The following ACTR3C variants were observed in gnomAD, a reference collection of about 807,000 sequenced individuals.
ACTR3C encodes actin related protein 3C.
In ACTR3C, 18 loss-of-function variants were observed where a neutral mutation model predicts 26.3. The ratio of observed to expected loss-of-function variants is 0.68; its 90% CI spans 0.47 to 1.01. The LOEUF (loss-of-function observed/expected upper bound fraction) is 1.01. ACTR3C is among the 50% of genes least tolerant of loss of function. ACTR3C has a pLI of 0.00. For missense variants in ACTR3C, 184 were observed against 250.7 expected (o/e 0.73, Z 1.80); for synonymous variants, 55 against 94.5 (o/e 0.58, Z 2.42).
At chr7:150,023,147 A>ATCTC in the ACTR3C span, among the ~76,000 whole-genome samples, 2 of 71,458 alleles carry the variant, frequency 2.8e-5, no homozygotes, top group Middle Eastern at 0.01. Flanking sequence ...ATATATAGAT[A>ATCTC]TCTATATAGA....
At chr7:149,988,657 C>G in the ACTR3C span, among the ~76,000 whole-genome samples, 86,485 of 151,978 alleles carry the variant, frequency 0.57, 25,419 homozygotes, top group East Asian at 0.8. Flanking sequence ...TCACCTCTTG[C>G]CCAGTCCCTA....
At chr7:150,132,549 A>G in the ACTR3C span, among the ~76,000 whole-genome samples, 2 of 152,202 alleles carry the variant, frequency 1.3e-5, no homozygotes, top group Admixed American at 6.5e-5. Context: ...CAAAACCACA[A>G]TGACATACCG....
At chr7:150,306,700 C>G (rs1363464737) in intron 1 of ACTR3C, among the ~76,000 whole-genome samples, 1 of 152,316 alleles carries the variant, frequency 6.6e-6, no homozygotes, top group South Asian at 2.1e-4. Context: ...TTTAGCAATA[C>G]CTCGCCAAGG....
the ACTR3C span, among the ~76,000 whole-genome samples, chr7:149,984,800 T>C: frequency 4.6e-5 from 7 of 152,060 alleles, no homozygotes; most frequent in Non-Finnish European, 8.8e-5. Context: ...CCCTTCGTGA[T>C]CCACTCCAGC....
the ACTR3C span, among the ~76,000 whole-genome samples, chr7:150,138,208 C>A: frequency 6.6e-6 from 1 of 152,136 alleles, no homozygotes; most frequent in South Asian, 2.1e-4. Flanking sequence ...ACACAGTGAC[C>A]ATATGATCTT....
chr7:150,108,582 G>T, the ACTR3C span, among the ~76,000 whole-genome samples: 4 of 148,440 alleles, frequency 2.7e-5, no homozygotes, highest in African/African-American at 1.0e-4. Flanking sequence ...GGGCCTTTTG[G>T]GAGGTGTTCA....
At chr7:150,263,663 G>T (rs1319073574) in intron 6 of ACTR3C, among the ~76,000 whole-genome samples, 1 of 151,990 alleles carries the variant, frequency 6.6e-6, no homozygotes, top group Non-Finnish European at 1.5e-5. Context: ...GAAATAAAAA[G>T]AAATCTATAC....
At chr7:149,950,544 T>C in the ACTR3C span, among the ~76,000 whole-genome samples, 15 of 151,940 alleles carry the variant, frequency 9.9e-5, no homozygotes, top group African/African-American at 3.4e-4. Context: ...CCAAAGGACA[T>C]GGTGTTTCAG....
the ACTR3C span, among the ~76,000 whole-genome samples, chr7:150,216,418 T>C: frequency 2.0e-5 from 3 of 152,076 alleles, no homozygotes; most frequent in East Asian, 5.8e-4. Context: ...TGTGTGATTT[T>C]TTTCTGGGGT....
At chr7:149,965,966 C>T in the ACTR3C span, among the ~76,000 whole-genome samples, 2 of 152,224 alleles carry the variant, frequency 1.3e-5, no homozygotes, top group Non-Finnish European at 2.9e-5. Flanking sequence ...CTGAACCGGC[C>T]ACTGACGAAC....
At chr7:150,278,165 G>A (rs186763144) in intron 6 of ACTR3C, among the ~76,000 whole-genome samples, 1 of 152,252 alleles carries the variant, frequency 6.6e-6, no homozygotes, top group Admixed American at 6.5e-5. Flanking sequence ...TCACCCTAGT[G>A]CTGCAACACA....
chr7:150,185,079 G>A, the ACTR3C span, among the ~76,000 whole-genome samples: 5 of 151,602 alleles, frequency 3.3e-5, no homozygotes, highest in Non-Finnish European at 4.4e-5. Flanking sequence ...AACTAGACCT[G>A]ATCCCTTTGG....
chr7:149,904,372 A>T, the ACTR3C span, among the ~76,000 whole-genome samples: 7 of 151,530 alleles, frequency 4.6e-5, no homozygotes, highest in Non-Finnish European at 1.0e-4. Flanking sequence ...TCTACTAAAA[A>T]TACAAAAATT....
the ACTR3C span, among the ~76,000 whole-genome samples, chr7:150,106,975 A>G: frequency 6.9e-6 from 1 of 145,890 alleles, no homozygotes; most frequent in Non-Finnish European, 1.5e-5. Context: ...AATGAAATGA[A>G]TAAGATCATT....
In ACTR3C at chr7:150,315,933, C is replaced by G. The variant is rs377491634; in HGVS notation, c.-52+7536G>C. Among the ~76,000 whole-genome samples, 75 of 152,304 alleles carry G rather than the reference C, an allele frequency of 4.9e-4. 1 individual carries two copies. In the South Asian group the frequency reaches 0.015, roughly 31 times the overall value. On this transcript the variant is annotated intron_variant, in intron 1 of 7. Transcript: ENST00000683684. ...AATGCATAGGCCGGCCGCGGTGGCT[C>G]ACGCCTGTAATCCCAGCACTTCGGG...
At chr7:150,171,682 T>C in the ACTR3C span, among the ~76,000 whole-genome samples, 1 of 150,148 alleles carries the variant, frequency 6.7e-6, no homozygotes, top group South Asian at 2.1e-4. Context: ...AGAAAATAAA[T>C]AAAACCAAAA....
At chr7:149,911,843 T>C in the ACTR3C span, among the ~76,000 whole-genome samples, 1 of 152,062 alleles carries the variant, frequency 6.6e-6, no homozygotes, top group Non-Finnish European at 1.5e-5. Flanking sequence ...ATTTGACAAA[T>C]GTGTATCTTT....
At chr7:149,910,798 T>C in the ACTR3C span, among the ~76,000 whole-genome samples, 1 of 152,102 alleles carries the variant, frequency 6.6e-6, no homozygotes, top group Non-Finnish European at 1.5e-5. Flanking sequence ...CATATGCTAA[T>C]TTTACTATTT....
intron 6 of ACTR3C, among the ~76,000 whole-genome samples, chr7:150,275,514 C>T (rs574872118): frequency 6.6e-6 from 1 of 152,192 alleles, no homozygotes; most frequent in African/African-American, 2.4e-5. Context: ...AGTTCGAGAC[C>T]AGCCTGGCCA....
Sources: gnomAD v4.1 joint callset for allele counts (sites outside exome capture counted in the v4.1 genomes callset) on GRCh38, gnomAD v4.1.1 for gene constraint, MANE v1.5 for transcripts, NCBI Gene and HGNC (gene_info 2026-07-23, HGNC 2026-07-21) for gene names.